The following SNTG1 variants were observed in gnomAD, a reference collection of about 807,000 sequenced individuals.
The protein encoded by SNTG1 is syntrophin gamma 1, also known as gamma-1-syntrophin.
In SNTG1, 39 loss-of-function variants were observed where a neutral mutation model predicts 74.7. That is an observed-to-expected ratio of 0.52 (90% confidence interval 0.40 to 0.68). The LOEUF is 0.68. SNTG1 is among the 30% of genes least tolerant of loss of function. SNTG1 has a pLI of 0.00. For synonymous variants in SNTG1, 254 were observed against 217.1 expected (o/e 1.17, Z -1.49); for missense variants, 685 against 609.5 (o/e 1.12, Z -1.30).
chr8:50,485,122 G>A (rs1041849694), intron 8 of SNTG1, among the ~76,000 whole-genome samples: 2 of 152,244 alleles, frequency 1.3e-5, no homozygotes, highest in African/African-American at 2.4e-5. Flanking sequence ...CTCATTTGAG[G>A]AAGTCATTGG....
In SNTG1 at chr8:50,402,189, G is replaced by T. The variant is rs10095235; in HGVS notation, c.28-21G>T. On this transcript the variant is annotated intron_variant, in intron 3 of 18. Coordinates refer to ENST00000642720, the MANE Select transcript of SNTG1 (RefSeq NM_018967.5). Reference sequence around the variant, plus strand: ...ACTAAGTATAATTTTTCCTCTGTTTGTTTTTTTTTTTAATCTGAAGACAAA... The same window carrying T: ...ACTAAGTATAATTTTTCCTCTGTTTTTTTTTTTTTTTAATCTGAAGACAAA... 3.1e-3 allele frequency: 3,640 copies of T among 1,185,346 alleles called. 53 individuals are homozygous for T. The African/African-American group carries it at 0.051, about 17-fold the overall frequency. The allele number at this position is 1,185,346 out of a possible 1,614,324, so 73.4% of individuals were successfully genotyped here. A position where few individuals can be genotyped will look rare whatever the true frequency, so the allele number is the denominator to read the frequency against.
chr8:50,247,488 C>CA (rs1247173552), intron 2 of SNTG1, among the ~76,000 whole-genome samples: 2 of 152,010 alleles, frequency 1.3e-5, no homozygotes, highest in Non-Finnish European at 2.9e-5. Flanking sequence ...TACTTTGGTG[C>CA]AAAAAAATTG....
intron 8 of SNTG1, among the ~76,000 whole-genome samples, chr8:50,499,192 G>A (rs1459176568): frequency 1.3e-5 from 2 of 151,692 alleles, no homozygotes; most frequent in Non-Finnish European, 3.0e-5. Context: ...TAAATATTGA[G>A]TCTTGTGACA....
At chr8:50,229,862 A>G (rs531569743) in intron 2 of SNTG1, among the ~76,000 whole-genome samples, 12 of 151,670 alleles carry the variant, frequency 7.9e-5, no homozygotes, top group African/African-American at 2.4e-4. Flanking sequence ...ATTTAAAATA[A>G]CAGAAATCAT....
intron 1 of SNTG1, among the ~76,000 whole-genome samples, chr8:50,037,656 G>A (rs1297088784): frequency 1.3e-5 from 2 of 152,164 alleles, no homozygotes; most frequent in East Asian, 1.9e-4. Flanking sequence ...TTGACTTCTG[G>A]ATTGTCCCTT....
At chr8:50,173,730 G>A (rs543984595) in intron 2 of SNTG1, among the ~76,000 whole-genome samples, 50 of 152,228 alleles carry the variant, frequency 3.3e-4, no homozygotes, top group African/African-American at 1.2e-3. Context: ...GCCACATTGT[G>A]CTGTTTCTTG....
intron 8 of SNTG1, among the ~76,000 whole-genome samples, chr8:50,470,546 C>T (rs1420752872): frequency 1.3e-5 from 2 of 151,832 alleles, no homozygotes; most frequent in South Asian, 2.1e-4. Context: ...AAAGGTGGCG[C>T]GTCCAGAGTT....
chr8:50,437,790 C>T (rs2093319607), intron 4 of SNTG1, among the ~76,000 whole-genome samples: 1 of 152,174 alleles, frequency 6.6e-6, no homozygotes, highest in Non-Finnish European at 1.5e-5. Flanking sequence ...GTAAAGATGA[C>T]TGCCCAAAAT....
At chr8:50,431,992 T>A (rs966409083) in intron 4 of SNTG1, among the ~76,000 whole-genome samples, 1 of 152,224 alleles carries the variant, frequency 6.6e-6, no homozygotes, top group Non-Finnish European at 1.5e-5. Context: ...TTTATTCTCT[T>A]AGCAGTATCT....
chr8:50,290,729 T>A (rs2089051285), intron 2 of SNTG1, among the ~76,000 whole-genome samples: 1 of 152,136 alleles, frequency 6.6e-6, no homozygotes, highest in South Asian at 2.1e-4. Context: ...ATTTAAACAT[T>A]TTTAAATTTT....
chr8:50,573,618 T>C (rs1485984706), intron 12 of SNTG1, among the ~76,000 whole-genome samples: 1 of 151,840 alleles, frequency 6.6e-6, no homozygotes, highest in Non-Finnish European at 1.5e-5. Flanking sequence ...TTATAAATTT[T>C]AGTAATTTGA....
intron 1 of SNTG1, among the ~76,000 whole-genome samples, chr8:49,963,391 T>C (rs1446670432): frequency 6.6e-6 from 1 of 152,224 alleles, no homozygotes; most frequent in Admixed American, 6.5e-5. Context: ...TTGGTTTATG[T>C]CTTGGGCTTT....
intron 18 of SNTG1, among the ~76,000 whole-genome samples, chr8:50,753,360 C>A (rs1486350636): frequency 6.6e-6 from 1 of 151,970 alleles, no homozygotes; most frequent in Non-Finnish European, 1.5e-5. Context: ...ATTTCTTAAT[C>A]TTTCAAAGCA....
chr8:50,174,405 A>G (rs906016893), intron 2 of SNTG1, among the ~76,000 whole-genome samples: 2 of 152,224 alleles, frequency 1.3e-5, no homozygotes, highest in African/African-American at 4.8e-5. Context: ...TCCTTGAGGA[A>G]TCACCACACT....
At chr8:50,127,778 A>G (rs1586390624) in intron 1 of SNTG1, among the ~76,000 whole-genome samples, 1 of 152,184 alleles carries the variant, frequency 6.6e-6, no homozygotes, top group African/African-American at 2.4e-5. Context: ...CAATTAGGAC[A>G]TATTTCCTTC....
intron 1 of SNTG1, among the ~76,000 whole-genome samples, chr8:49,935,388 A>G (rs940525941): frequency 1.8e-5 from 2 of 111,382 alleles, no homozygotes; most frequent in East Asian, 6.7e-4. Context: ...AAAGCCATTA[A>G]TTCCTTTTTT....
intron 2 of SNTG1, among the ~76,000 whole-genome samples, chr8:50,307,444 T>C (rs1386605312): frequency 6.6e-6 from 1 of 152,034 alleles, no homozygotes; most frequent in East Asian, 1.9e-4. Context: ...TTTTCTCCAT[T>C]TATTTTTTAT....
At chr8:50,186,092 G>A (rs2083372768) in intron 2 of SNTG1, among the ~76,000 whole-genome samples, 1 of 152,130 alleles carries the variant, frequency 6.6e-6, no homozygotes, top group South Asian at 2.1e-4. Context: ...GTGAGAACAT[G>A]CAGTGTTTGG....
intron 1 of SNTG1, among the ~76,000 whole-genome samples, chr8:50,034,881 A>G (rs1032389214): frequency 1.3e-5 from 2 of 152,170 alleles, no homozygotes; most frequent in African/African-American, 4.8e-5. Flanking sequence ...TGAAAGCAGT[A>G]TTTGTTAGTC....
Sources: gnomAD v4.1 joint callset for allele counts (sites outside exome capture counted in the v4.1 genomes callset) on GRCh38, gnomAD v4.1.1 for gene constraint, MANE v1.5 for transcripts, NCBI Gene and HGNC (gene_info 2026-07-23, HGNC 2026-07-21) for gene names.